Variants in DDC observed in about 807,000 individuals in gnomAD.
The protein encoded by DDC is aromatic-L-amino-acid decarboxylase.
A neutral mutation model predicts 60.0 loss-of-function variants in DDC; 43 were observed. The ratio of observed to expected loss-of-function variants is 0.72; its 90% CI spans 0.56 to 0.92. The LOEUF (loss-of-function observed/expected upper bound fraction) is 0.92. DDC is among the 40% of genes least tolerant of loss of function. DDC has a pLI of 0.00. For missense variants in DDC, 573 were observed against 620.2 expected (o/e 0.92, Z 0.81); for synonymous variants, 232 against 234.6 (o/e 0.99, Z 0.10).
intron 1 of DDC, 137 bp from the exon 2 acceptor site, chr7:50,544,250 G>A: frequency 1.4e-6 from 1 of 703,962 alleles, no homozygotes; most frequent in Non-Finnish European, 2.5e-6. Context: ...CAAGTAAGGG[G>A]CGCTTTCCCT....
At chr7:50,503,259 G>A (rs571707002) in intron 7 of DDC, among the ~76,000 whole-genome samples, 97 of 152,346 alleles carry the variant, frequency 6.4e-4, no homozygotes, top group African/African-American at 2.2e-3. Context: ...CAGAGAAAGG[G>A]GGAGCCCCCT....
intron 6 of DDC, among the ~76,000 whole-genome samples, chr7:50,511,084 C>CACACAA (rs1458388373): frequency 7.7e-6 from 1 of 129,220 alleles, no homozygotes; most frequent in African/African-American, 2.8e-5. Context: ...CACACACACA[C>CACACAA]AAAATAATAT....
At chr7:50,558,089 A>T (rs1331477461) in intron 1 of DDC, among the ~76,000 whole-genome samples, 1 of 143,842 alleles carries the variant, frequency 7.0e-6, no homozygotes, top group African/African-American at 2.6e-5. Flanking sequence ...CCCCCCCCTT[A>T]CAAATTTTTT....
chr7:50,518,272 T>C (rs1310416556), intron 6 of DDC, among the ~76,000 whole-genome samples: 1 of 151,068 alleles, frequency 6.6e-6, no homozygotes, highest in East Asian at 1.9e-4. Context: ...TCCATGCTCA[T>C]TAATGGGTAG....
At chr7:50,477,378 G>T (rs1023444374) in intron 10 of DDC, among the ~76,000 whole-genome samples, 1 of 152,176 alleles carries the variant, frequency 6.6e-6, no homozygotes, top group Non-Finnish European at 1.5e-5. Flanking sequence ...TGCACAGATC[G>T]GTGGAAAAGG....
intron 9 of DDC, among the ~76,000 whole-genome samples, chr7:50,488,253 T>G (rs1196809612): frequency 6.6e-6 from 1 of 151,948 alleles, no homozygotes; most frequent in Non-Finnish European, 1.5e-5. Flanking sequence ...ATTGCTTAAA[T>G]GTCTGGGTCA....
chr7:50,460,148 C>T (rs1165791756), intron 14 of DDC, among the ~76,000 whole-genome samples: 1 of 144,068 alleles, frequency 6.9e-6, no homozygotes, highest in Non-Finnish European at 1.5e-5. Context: ...GTGAGGAGCC[C>T]CTCTGCCTGG....
chr7:50,505,309 G>T (rs969987370), intron 6 of DDC, among the ~76,000 whole-genome samples: 1 of 152,224 alleles, frequency 6.6e-6, no homozygotes, highest in Non-Finnish European at 1.5e-5. Context: ...GGATCAAAAC[G>T]CACATTATGT....
At chr7:50,529,074 C>G (rs1563030309) in intron 5 of DDC, 134 bp downstream of exon 5, 1 of 1,183,714 alleles carries the variant, frequency 8.4e-7, no homozygotes, top group Non-Finnish European at 1.3e-6. Flanking sequence ...CCCTGTAGTT[C>G]AGGTCTCTAT....
At chr7:50,507,339 G>C (rs1381563945) in intron 6 of DDC, among the ~76,000 whole-genome samples, 3 of 152,230 alleles carry the variant, frequency 2.0e-5, no homozygotes, top group East Asian at 1.9e-4. Context: ...CTGGGTTCAA[G>C]TGATTCTCCT....
chr7:50,508,303 A>G (rs2043455353), intron 6 of DDC, among the ~76,000 whole-genome samples: 2 of 152,198 alleles, frequency 1.3e-5, no homozygotes, highest in Admixed American at 1.3e-4. Flanking sequence ...ACCTGATTCC[A>G]GGCGCTCTGC....
intron 14 of DDC, chr7:50,459,653 C>T (rs1449119509): frequency 1.8e-5 from 3 of 167,568 alleles, no homozygotes; most frequent in Non-Finnish European, 2.5e-5. Flanking sequence ...GCCGCGACCC[C>T]GTCTGGGAGG....
At chr7:50,468,520 G>A (rs1325339146) in intron 12 of DDC, among the ~76,000 whole-genome samples, 1 of 152,026 alleles carries the variant, frequency 6.6e-6, no homozygotes, top group African/African-American at 2.4e-5. Context: ...CCCAGTTCTC[G>A]CCCCCAAACA....
chr7:50,532,792 A>C (rs2044261679), intron 4 of DDC, among the ~76,000 whole-genome samples: 1 of 152,210 alleles, frequency 6.6e-6, no homozygotes, highest in Non-Finnish European at 1.5e-5. Context: ...CTGCTGAAAA[A>C]ATTGAATATG....
intron 12 of DDC, 92 bp downstream of exon 12, chr7:50,469,979 CAA>C (rs11378977): frequency 6.1e-4 from 429 of 703,486 alleles, no homozygotes; most frequent in Middle Eastern, 1.0e-3. Context: ...AACTCTGTCT[CAA>C]AAAAAAAAAA....
intron 9 of DDC, among the ~76,000 whole-genome samples, chr7:50,491,510 CT>C (rs1220689653): frequency 2.0e-5 from 3 of 152,020 alleles, no homozygotes; most frequent in Non-Finnish European, 4.4e-5. Context: ...TTTCTGAAGA[CT>C]TTTTTTAAAA....
At chr7:50,531,720 C>T (rs2044216152) in intron 4 of DDC, 1 of 152,018 alleles carries the variant, frequency 6.6e-6, no homozygotes, top group South Asian at 2.1e-4. Context: ...CCAGGGTGGC[C>T]TGGTGGCCTC....
intron 1 of DDC, among the ~76,000 whole-genome samples, chr7:50,553,368 G>A (rs1007974695): frequency 3.3e-5 from 5 of 152,126 alleles, no homozygotes; most frequent in African/African-American, 1.2e-4. Context: ...TTGGGCCTGA[G>A]GCTCTGGCTC....
At chr7:50,554,557 A>G (rs146673773) in intron 1 of DDC, among the ~76,000 whole-genome samples, 95 of 152,292 alleles carry the variant, frequency 6.2e-4, no homozygotes, top group African/African-American at 2.2e-3. Flanking sequence ...TCTGTTTACA[A>G]ACTGGAAATC....
Sources: allele counts gnomAD v4.1 joint callset (sites outside exome capture counted in the v4.1 genomes callset), GRCh38; gene constraint gnomAD v4.1.1; transcripts MANE v1.5; gene names NCBI Gene and HGNC (gene_info 2026-07-23, HGNC 2026-07-21).